SNTG1: variants seen among roughly 807,000 people sequenced by gnomAD.
SNTG1 encodes gamma-1-syntrophin.
A neutral mutation model predicts 74.7 loss-of-function variants in SNTG1; 39 were observed. The observed-to-expected ratio is 0.52, with a 90% CI of 0.40 to 0.68. SNTG1 has a LOEUF of 0.68. Ranked by LOEUF, SNTG1 falls within the 30% of genes least tolerant of loss-of-function variation. SNTG1 has a pLI of 0.00. For synonymous variants in SNTG1, 254 were observed against 217.1 expected (o/e 1.17, Z -1.49); for missense variants, 685 against 609.5 (o/e 1.12, Z -1.30).
In SNTG1 at chr8:50,689,160, T is replaced by C. The variant is rs182125463; in HGVS notation, c.1039-15440T>C. Among the ~76,000 whole-genome samples, 867 of 151,662 alleles carry C rather than the reference T, an allele frequency of 5.7e-3. 9 individuals are homozygous for C. Among genetic ancestry groups the C allele is most frequent in the African/African-American group, 0.02 (824 of 41,286 alleles). On this transcript the variant is annotated intron_variant, in intron 15 of 18. Transcript: ENST00000642720. Reference sequence around the variant, plus strand: ...TTAAGGAGATTTTGGGCTGAGACAATGGGGTTTTCTAGATATACAATCCTG... The same window carrying C: ...TTAAGGAGATTTTGGGCTGAGACAACGGGGTTTTCTAGATATACAATCCTG...
At position 49,915,745 on chromosome 8, in the gene SNTG1, A is replaced by G. The variant is rs1021313316; in HGVS notation, c.-103+3514A>G. Among the ~76,000 whole-genome samples, 52 of 152,220 alleles carry G rather than the reference A, an allele frequency of 3.4e-4. 1 individual carries two copies. Among genetic ancestry groups the G allele is most frequent in the Non-Finnish European group, 1.2e-4 (8 of 68,036 alleles). ...ACTTCAAAACTCCATATCCTAAAAC[A>G]TACAGAAAGCATTGTGATTTGACTG... On this transcript the variant is annotated intron_variant, in intron 1 of 18. Coordinates refer to ENST00000642720, the MANE Select transcript of SNTG1 (RefSeq NM_018967.5).
intron 3 of SNTG1, among the ~76,000 whole-genome samples, chr8:50,400,526 C>G (rs1281625441): frequency 6.6e-6 from 1 of 152,018 alleles, no homozygotes; most frequent in Non-Finnish European, 1.5e-5. Context: ...GGATATATAC[C>G]TAGTAATGGA....
chr8:50,511,209 C>T (rs982409295), intron 9 of SNTG1, among the ~76,000 whole-genome samples: 3 of 152,140 alleles, frequency 2.0e-5, no homozygotes, highest in Non-Finnish European at 4.4e-5. Flanking sequence ...GTTCAGTTTC[C>T]ATGTAGTTGA....
chr8:50,288,252 A>G (rs2088896097), intron 2 of SNTG1, among the ~76,000 whole-genome samples: 1 of 152,204 alleles, frequency 6.6e-6, no homozygotes, highest in Non-Finnish European at 1.5e-5. Context: ...TACAACTCTC[A>G]TATTTTTTAA....
intron 12 of SNTG1, among the ~76,000 whole-genome samples, chr8:50,579,213 T>C (rs1044878433): frequency 1.3e-5 from 2 of 152,220 alleles, no homozygotes; most frequent in African/African-American, 2.4e-5. Context: ...TCACTCTTGC[T>C]ATTCAATGAG....
chr8:50,414,666 G>A (rs1433313047), intron 4 of SNTG1, among the ~76,000 whole-genome samples: 5 of 151,638 alleles, frequency 3.3e-5, no homozygotes, highest in African/African-American at 1.2e-4. Flanking sequence ...TCATTTTATT[G>A]TGTGTTGTCT....
intron 2 of SNTG1, among the ~76,000 whole-genome samples, chr8:50,246,440 G>C (rs1310348877): frequency 3.3e-5 from 5 of 151,900 alleles, no homozygotes; most frequent in African/African-American, 4.8e-5. Context: ...TGAGGATCCT[G>C]GGAATAGAAC....
At position 49,930,378 on chromosome 8, in the gene SNTG1, A is replaced by G. The variant is rs973433386; in HGVS notation, c.-103+18147A>G. Among the ~76,000 whole-genome samples, 18 of 152,268 alleles carry G rather than the reference A, an allele frequency of 1.2e-4. 1 individual carries two copies. The highest frequency in any genetic ancestry group is 4.3e-4 in the African/African-American group (18 of 41,578). The stretch of plus-strand genomic sequence containing the variant: ...TAATAGATTGTGAGAATCATACTAT[A>G]ACCTCAATATATAGATTTTTATTAA... On this transcript the variant is annotated intron_variant, in intron 1 of 18. Coordinates refer to ENST00000642720, the MANE Select transcript of SNTG1 (RefSeq NM_018967.5).
intron 1 of SNTG1, among the ~76,000 whole-genome samples, chr8:50,158,461 T>G (rs1201722610): frequency 6.6e-6 from 1 of 152,160 alleles, no homozygotes; most frequent in African/African-American, 2.4e-5. Flanking sequence ...GCTATGCCTA[T>G]GATCATGGAG....
intron 16 of SNTG1, 66 bp downstream of exon 16, chr8:50,704,818 T>C: frequency 2.6e-6 from 4 of 1,549,538 alleles, no homozygotes; most frequent in Non-Finnish European, 3.5e-6. Context: ...CCTAGAGTTC[T>C]AATATCATTC....
intron 12 of SNTG1, among the ~76,000 whole-genome samples, chr8:50,572,436 AATG>A: frequency 6.6e-6 from 1 of 152,252 alleles, no homozygotes; most frequent in Non-Finnish European, 1.5e-5. Context: ...CTAATCTTAA[AATG>A]ATGACTGAGA....
intron 1 of SNTG1, among the ~76,000 whole-genome samples, chr8:50,112,999 T>G (rs187272260): frequency 1.1e-3 from 162 of 152,300 alleles, no homozygotes; most frequent in Admixed American, 9.0e-3. Flanking sequence ...ACTGTAGCCC[T>G]GTAGTATAGT....
chr8:50,488,221 GT>G (rs112139101), intron 8 of SNTG1, among the ~76,000 whole-genome samples: 11,926 of 151,836 alleles, frequency 0.079, 1,034 homozygotes, highest in African/African-American at 0.22. Context: ...AGTAAAATAG[GT>G]TTTTTTTAAG....
intron 4 of SNTG1, among the ~76,000 whole-genome samples, chr8:50,411,566 G>C (rs1288450481): frequency 6.6e-6 from 1 of 152,018 alleles, no homozygotes; most frequent in Non-Finnish European, 1.5e-5. Flanking sequence ...ACTGTTTAGA[G>C]AGTTGTGATT....
At chr8:50,215,682 C>T (rs1479135032) in intron 2 of SNTG1, among the ~76,000 whole-genome samples, 2 of 151,806 alleles carry the variant, frequency 1.3e-5, no homozygotes, top group Admixed American at 1.3e-4. Flanking sequence ...AGGTACTCAT[C>T]GAATCCAAGC....
intron 2 of SNTG1, among the ~76,000 whole-genome samples, chr8:50,237,320 G>A (rs1285076620): frequency 6.6e-6 from 1 of 151,908 alleles, no homozygotes; most frequent in Non-Finnish European, 1.5e-5. Context: ...GATAAAATTC[G>A]GGTTCCATTA....
intron 8 of SNTG1, among the ~76,000 whole-genome samples, chr8:50,463,550 T>C (rs899649673): frequency 6.6e-6 from 1 of 152,192 alleles, no homozygotes; most frequent in Non-Finnish European, 1.5e-5. Flanking sequence ...AGTAACCTTT[T>C]GAAAGGAATC....
At chr8:50,713,260 G>T (rs547631944) in intron 17 of SNTG1, among the ~76,000 whole-genome samples, 9 of 152,294 alleles carry the variant, frequency 5.9e-5, no homozygotes, top group Non-Finnish European at 1.2e-4. Context: ...CAGTGATGAT[G>T]AGCTTTTTTT....
At chr8:50,335,840 A>ATTTTG (rs1216659738) in intron 2 of SNTG1, among the ~76,000 whole-genome samples, 13 of 150,364 alleles carry the variant, frequency 8.6e-5, no homozygotes, top group Non-Finnish European at 1.8e-4. Flanking sequence ...ATTTTATTTT[A>ATTTTG]TTTTATTTTA....
Sources: gnomAD v4.1 joint callset for allele counts (sites outside exome capture counted in the v4.1 genomes callset) on GRCh38, gnomAD v4.1.1 for gene constraint, MANE v1.5 for transcripts, NCBI Gene and HGNC (gene_info 2026-07-23, HGNC 2026-07-21) for gene names.